The following OXR1 variants were observed in gnomAD, a reference collection of about 807,000 sequenced individuals.
OXR1 encodes oxidation resistance 1.
OXR1 carries 41 observed loss-of-function variants against 104.6 expected under a neutral mutation model. That is an observed-to-expected ratio of 0.39 (90% CI 0.31 to 0.51). The LOEUF (loss-of-function observed/expected upper bound fraction) is 0.51. OXR1 is among the 20% of genes least tolerant of loss of function. The pLI, the probability that OXR1 is intolerant of heterozygous loss-of-function variation, is 0.77. For missense variants in OXR1, 955 were observed against 1,031.9 expected (o/e 0.93, Z 1.02); for synonymous variants, 348 against 348.4 (o/e 1.00, Z 0.01).
chr8:106,338,852 C>G (rs1180505465), intron 1 of OXR1, among the ~76,000 whole-genome samples: 1 of 152,060 alleles, frequency 6.6e-6, no homozygotes, highest in East Asian at 1.9e-4. Context: ...TTCTCTCTCT[C>G]TCTGTAACTC....
intron 3 of OXR1, among the ~76,000 whole-genome samples, chr8:106,613,542 G>T (rs538138896): frequency 6.6e-6 from 1 of 152,318 alleles, no homozygotes; most frequent in Non-Finnish European, 1.5e-5. Flanking sequence ...GGAAATACAG[G>T]CATGTGCCAC....
intron 12 of OXR1, among the ~76,000 whole-genome samples, 173 bp downstream of exon 12, chr8:106,737,773 T>C (rs1313217788): frequency 3.3e-5 from 5 of 152,172 alleles, no homozygotes; most frequent in African/African-American, 1.2e-4. Flanking sequence ...GATTATCTTT[T>C]CTGTCATCTT....
intron 14 of OXR1, among the ~76,000 whole-genome samples, 183 bp downstream of exon 14, chr8:106,740,678 T>C (rs1025554245): frequency 1.3e-5 from 2 of 152,148 alleles, no homozygotes; most frequent in African/African-American, 4.8e-5. Flanking sequence ...GCATGATGAT[T>C]AAGAATTACT....
At chr8:106,468,139 C>T (rs1821280148) in intron 2 of OXR1, among the ~76,000 whole-genome samples, 1 of 151,638 alleles carries the variant, frequency 6.6e-6, no homozygotes, top group Admixed American at 6.6e-5. Context: ...AATGTTTGTC[C>T]AACACCAGCC....
At position 106,471,184 on chromosome 8, in the gene OXR1, G is replaced by T. The variant is rs150650788; in HGVS notation, c.24-47759G>T. On this transcript the variant is annotated intron_variant, in intron 2 of 16. Coordinates refer to ENST00000517566, the MANE Select transcript of OXR1 (RefSeq NM_001198533.2). ...TATTAACAGTTTAGTAGAAAGGGAA[G>T]GGTGGATTATAGAGGAGAGAGGGGA... Among the ~76,000 whole-genome samples the T allele has an allele frequency of 1.1e-3, 172 of 151,778 alleles. 1 individual carries two copies. Among genetic ancestry groups the T allele is most frequent in the African/African-American group, 3.9e-3 (163 of 41,470 alleles).
intron 2 of OXR1, among the ~76,000 whole-genome samples, chr8:106,505,029 T>C (rs1323760932): frequency 6.6e-6 from 1 of 152,226 alleles, no homozygotes; most frequent in Admixed American, 6.5e-5. Flanking sequence ...TACCTAACCC[T>C]ATTTCTTAAA....
chr8:106,604,788 C>T (rs938587677), intron 3 of OXR1: 1 of 152,126 alleles, frequency 6.6e-6, no homozygotes, highest in Admixed American at 6.5e-5. Flanking sequence ...CTAGAGTTGT[C>T]TGCAAAAAGT....
intron 1 of OXR1, among the ~76,000 whole-genome samples, chr8:106,306,664 T>A (rs1342519906): frequency 6.6e-6 from 1 of 152,178 alleles, no homozygotes; most frequent in Non-Finnish European, 1.5e-5. Flanking sequence ...GAAAAAATAG[T>A]ACATTTTGTA....
chr8:106,450,606 A>G (rs1320995545), intron 2 of OXR1, among the ~76,000 whole-genome samples: 1 of 152,152 alleles, frequency 6.6e-6, no homozygotes, highest in Non-Finnish European at 1.5e-5. Context: ...TGCACTGTAC[A>G]CAACAAACTG....
At chr8:106,672,355 C>T (rs7004494) in intron 3 of OXR1, among the ~76,000 whole-genome samples, 158 of 149,766 alleles carry the variant, frequency 1.1e-3, no homozygotes, top group African/African-American at 3.7e-3. Context: ...GGGTTGGTGG[C>T]GTGTGCCTGT....
rs575598302 is a variant in OXR1 at position 106,584,350 on chromosome 8, G to C, written c.220+65211G>C. Among the ~76,000 whole-genome samples, 16 of 151,956 alleles carry C rather than the reference G, an allele frequency of 1.1e-4. No individual in the cohort carries two copies. The South Asian group carries it at 2.5e-3, about 24-fold the overall frequency. On this transcript the variant is annotated intron_variant, in intron 3 of 16. Coordinates refer to ENST00000517566, the MANE Select transcript of OXR1 (RefSeq NM_001198533.2). ...CGGGGGAGGGGGGAGAAAAGTCAAAGAAATAATGTGAGAAAATTTCCCAGA... is the reference window on the plus strand; with the variant it reads ...CGGGGGAGGGGGGAGAAAAGTCAAACAAATAATGTGAGAAAATTTCCCAGA...
chr8:106,427,097 A>G (rs1420117742), intron 2 of OXR1, among the ~76,000 whole-genome samples: 2 of 152,180 alleles, frequency 1.3e-5, no homozygotes, highest in Non-Finnish European at 2.9e-5. Flanking sequence ...AAAGCTTCTT[A>G]GAAGACTTCA....
intron 2 of OXR1, among the ~76,000 whole-genome samples, chr8:106,499,493 T>C (rs1811638453): frequency 6.6e-6 from 1 of 152,160 alleles, no homozygotes; most frequent in African/African-American, 2.4e-5. Context: ...AATAGCATAA[T>C]AGATTCTTCT....
intron 2 of OXR1, among the ~76,000 whole-genome samples, chr8:106,394,181 T>C (rs1954752): frequency 0.6 from 90,787 of 151,652 alleles, 27,732 homozygotes; most frequent in Middle Eastern, 0.66. Flanking sequence ...TTTTCAGCTA[T>C]TGACACACAG....
chr8:106,399,047 G>T (rs1817899441), intron 2 of OXR1, among the ~76,000 whole-genome samples: 1 of 151,688 alleles, frequency 6.6e-6, no homozygotes, highest in South Asian at 2.1e-4. Flanking sequence ...TTATTTATTT[G>T]TACTTTCCAT....
At chr8:106,358,517 A>C (rs1311879953) in intron 1 of OXR1, among the ~76,000 whole-genome samples, 1 of 152,170 alleles carries the variant, frequency 6.6e-6, no homozygotes. Context: ...ACATTATTTG[A>C]GCACAAGAAC....
intron 2 of OXR1, among the ~76,000 whole-genome samples, chr8:106,401,065 T>C (rs970691988): frequency 9.2e-5 from 14 of 152,168 alleles, no homozygotes; most frequent in Non-Finnish European, 5.9e-5. Flanking sequence ...TTCAAATTTC[T>C]TTATCACCAA....
intron 7 of OXR1, 75 bp from the exon 8 acceptor site, chr8:106,702,831 A>G (rs1830706093): frequency 8.8e-7 from 1 of 1,136,258 alleles, no homozygotes; most frequent in African/African-American, 1.6e-5. Context: ...TCAGAAGAAA[A>G]TTAGTAAAAA....
At chr8:106,424,851 G>A (rs998411404) in intron 2 of OXR1, among the ~76,000 whole-genome samples, 1 of 151,782 alleles carries the variant, frequency 6.6e-6, no homozygotes, top group Non-Finnish European at 1.5e-5. Flanking sequence ...TTTCTTATTA[G>A]TGAGGATAAA....
Sources: allele counts gnomAD v4.1 joint callset (sites outside exome capture counted in the v4.1 genomes callset), GRCh38; gene constraint gnomAD v4.1.1; transcripts MANE v1.5; gene names NCBI Gene and HGNC (gene_info 2026-07-23, HGNC 2026-07-21).